The following PHKB variants were observed in gnomAD, a reference collection of about 807,000 sequenced individuals.
PHKB encodes phosphorylase b kinase regulatory subunit beta.
In PHKB, 122 loss-of-function variants were observed where a neutral mutation model predicts 152.1. That is an observed-to-expected ratio of 0.80 (90% CI 0.69 to 0.93). PHKB has a LOEUF of 0.93. Among genes scored for constraint, PHKB ranks in the 40% least tolerant of loss-of-function variants. The pLI is 0.00. For synonymous variants in PHKB, 436 were observed against 464.9 expected, an observed-to-expected ratio of 0.94 and a Z score of 0.80; for missense variants, 1,304 against 1,328.4, an observed-to-expected ratio of 0.98 and a Z score of 0.29.
At chr16:47,613,837 G>A (rs551201595) in intron 14 of PHKB, among the ~76,000 whole-genome samples, 1 of 152,064 alleles carries the variant, frequency 6.6e-6, no homozygotes, top group African/African-American at 2.4e-5. Context: ...TGTCATTTTA[G>A]GAATGTTATA....
At position 47,685,521 on chromosome 16, in the gene PHKB, A is replaced by G. The variant is rs554628431; in HGVS notation, c.2631-3520A>G. Among the ~76,000 whole-genome samples, 6 of 152,286 alleles carry G rather than the reference A, an allele frequency of 3.9e-5. No homozygotes were observed. In the East Asian group the frequency reaches 1.2e-3, roughly 29 times the overall value. On this transcript the variant is annotated intron_variant, in intron 26 of 30. Transcript: ENST00000323584. ...GAGGGATAATTAGCCTGATTTTCCT[A>G]TGTCCTTCTTTATTAGTAGTCCTAC...
At chr16:47,546,185 C>T (rs1971160924) in intron 6 of PHKB, among the ~76,000 whole-genome samples, 1 of 152,162 alleles carries the variant, frequency 6.6e-6, no homozygotes, top group Non-Finnish European at 1.5e-5. Flanking sequence ...GTTTTTAGAA[C>T]TTTCAGCTTT....
intron 7 of PHKB, among the ~76,000 whole-genome samples, chr16:47,559,760 C>G (rs1030897399): frequency 6.6e-6 from 1 of 152,190 alleles, no homozygotes; most frequent in African/African-American, 2.4e-5. Context: ...CCACCACATC[C>G]TATTTGTTAG....
At chr16:47,591,224 G>A (rs560440558) in intron 10 of PHKB, among the ~76,000 whole-genome samples, 15 of 152,050 alleles carry the variant, frequency 9.9e-5, no homozygotes, top group Admixed American at 6.6e-4. Context: ...GAAACCAAAC[G>A]AAACCCTTCC....
At chr16:47,597,637 G>A (rs1333811632) in intron 13 of PHKB, among the ~76,000 whole-genome samples, 1 of 151,236 alleles carries the variant, frequency 6.6e-6, no homozygotes, top group Non-Finnish European at 1.5e-5. Context: ...TTCCAAAGCG[G>A]GGGGGAAAGA....
At chr16:47,633,753 A>G (rs907717303) in intron 14 of PHKB, among the ~76,000 whole-genome samples, 1 of 152,218 alleles carries the variant, frequency 6.6e-6, no homozygotes, top group Admixed American at 6.5e-5. Context: ...AGGGAACAGC[A>G]GGTAGTCCCT....
chr16:47,689,970 GA>G (rs1170282181), intron 27 of PHKB, among the ~76,000 whole-genome samples: 1 of 152,118 alleles, frequency 6.6e-6, no homozygotes, highest in African/African-American at 2.4e-5. Context: ...ACTTCATATG[GA>G]AAAACAAACA....
intron 13 of PHKB, among the ~76,000 whole-genome samples, chr16:47,605,122 G>A (rs926872006): frequency 1.3e-5 from 2 of 152,152 alleles, no homozygotes; most frequent in African/African-American, 2.4e-5. Context: ...TTACCATTAT[G>A]GAAATTAAAG....
intron 26 of PHKB, among the ~76,000 whole-genome samples, chr16:47,677,588 A>G (rs547283999): frequency 2.0e-5 from 3 of 152,074 alleles, no homozygotes; most frequent in South Asian, 2.1e-4. Flanking sequence ...GTCTTCTTAT[A>G]AGGTTACTAA....
At chr16:47,593,608 G>A (rs1972069448) in intron 11 of PHKB, 51 bp downstream of exon 11, 1 of 1,096,870 alleles carries the variant, frequency 9.1e-7, no homozygotes, top group Admixed American at 1.7e-5. Flanking sequence ...TGAAATTTAA[G>A]CTGTAGGATT....
intron 1 of PHKB, among the ~76,000 whole-genome samples, chr16:47,473,246 T>TA (rs1969809992): frequency 2.3e-5 from 3 of 131,706 alleles, no homozygotes; most frequent in African/African-American, 8.5e-5. Context: ...TTTTTTTTTT[T>TA]TTTTTTATTG....
chr16:47,674,030 A>G (rs1395027014), intron 26 of PHKB, among the ~76,000 whole-genome samples: 1 of 152,210 alleles, frequency 6.6e-6, no homozygotes, highest in Non-Finnish European at 1.5e-5. Flanking sequence ...ATTATCTCAC[A>G]GAAACAGGCT....
In PHKB at chr16:47,499,800, T is replaced by G. The variant is rs1346017229; in HGVS notation, c.211T>G (p.Phe71Val). 3.7e-6 allele frequency: 6 copies of G among 1,614,070 alleles called. No homozygotes were observed. In the African/African-American group the frequency reaches 8.0e-5, roughly 22 times the overall value. ...GTATCAAAGTCCAACTACCGGTCTCTTTCCCACTAAAACATGCGGTGGTGA... is the reference window on the plus strand; with the variant it reads ...GTATCAAAGTCCAACTACCGGTCTCGTTCCCACTAAAACATGCGGTGGTGA... ...LLYQSPTTGLFPTKTCGGDQK... is the reference protein window; with the variant it reads ...LLYQSPTTGLVPTKTCGGDQK... The change falls in exon 3 of 31, where the codon TTT becomes GTT. Residue 71 changes from phenylalanine (F) to valine (V), a missense_variant. Phe to Val is a conservative substitution (Grantham distance 50, BLOSUM62 -1). Transcript: ENST00000323584.
intron 6 of PHKB, among the ~76,000 whole-genome samples, chr16:47,544,096 G>C (rs964810034): frequency 1.3e-5 from 2 of 151,890 alleles, no homozygotes; most frequent in African/African-American, 4.8e-5. Flanking sequence ...CTTCATTTCT[G>C]CTCTGATCTT....
At chr16:47,699,141 A>G (rs1567362281) in intron 30 of PHKB, 88 bp from the exon 31 acceptor site, 3 of 1,231,308 alleles carry the variant, frequency 2.4e-6, no homozygotes, top group Non-Finnish European at 3.6e-6. Context: ...ATGTGAATTT[A>G]TTTTTCCCCC....
At chr16:47,546,838 C>G (rs1433331732) in intron 6 of PHKB, among the ~76,000 whole-genome samples, 1 of 152,172 alleles carries the variant, frequency 6.6e-6, no homozygotes, top group African/African-American at 2.4e-5. Flanking sequence ...GCCAGGCTTG[C>G]TGCCGTGCAG....
chr16:47,574,208 TCA>T lies in PHKB; in HGVS notation c.711-6085_711-6084del, dbSNP rs1456935079. Among the ~76,000 whole-genome samples the T allele has an allele frequency of 1.2e-4, 19 of 152,234 alleles. No homozygotes were observed. The East Asian group carries it at 3.7e-3, about 29-fold the overall frequency. On this transcript the variant is annotated intron_variant, in intron 7 of 30. Transcript: ENST00000323584. ...GTTCTGGGATTACAGGCATGAGCCA[TCA>T]CTTCTCATATGCTCCTTGTGGCTCA... is the stretch of plus-strand genomic sequence containing the variant.
chr16:47,525,186 G>T (rs1321683212), intron 6 of PHKB, among the ~76,000 whole-genome samples: 1 of 152,130 alleles, frequency 6.6e-6, no homozygotes, highest in Non-Finnish European at 1.5e-5. Flanking sequence ...CTGCAGGAGA[G>T]GGAGAATTCC....
At chr16:47,677,491 T>C (rs762500461) in intron 26 of PHKB, among the ~76,000 whole-genome samples, 9 of 152,096 alleles carry the variant, frequency 5.9e-5, no homozygotes, top group Non-Finnish European at 1.2e-4. Flanking sequence ...GCCAATTTGG[T>C]TTCTGGTGAG....
Sources: gnomAD v4.1 joint callset for allele counts (sites outside exome capture counted in the v4.1 genomes callset) on GRCh38, gnomAD v4.1.1 for gene constraint, MANE v1.5 for transcripts, NCBI Gene and HGNC (gene_info 2026-07-23, HGNC 2026-07-21) for gene names.